Variants in HELQ observed in about 807,000 individuals in gnomAD.
The protein encoded by HELQ is helicase, POLQ like.
In HELQ, 77 loss-of-function variants were observed where a neutral mutation model predicts 111.6. That is an observed-to-expected ratio of 0.69 (90% CI 0.57 to 0.83). The LOEUF (loss-of-function observed/expected upper bound fraction) is 0.83, where lower values mean the gene tolerates loss of function less well. Among genes scored for constraint, HELQ ranks in the 40% least tolerant of loss-of-function variants. HELQ has a pLI of 0.00. For missense variants in HELQ, 1,200 were observed against 1,288.5 expected, an observed-to-expected ratio of 0.93 and a Z score of 1.05; for synonymous variants, 438 against 454.7, an observed-to-expected ratio of 0.96 and a Z score of 0.47.
intron 12 of HELQ, among the ~76,000 whole-genome samples, chr4:83,428,480 G>A (rs1266406877): frequency 6.6e-6 from 1 of 152,142 alleles, no homozygotes; most frequent in Non-Finnish European, 1.5e-5. Context: ...AGAATCATTT[G>A]AGCCCAGGAG....
intron 14 of HELQ, among the ~76,000 whole-genome samples, chr4:83,422,833 TATGTGATTATTATTATA>T (rs1285570730): frequency 6.6e-6 from 1 of 152,218 alleles, no homozygotes; most frequent in Admixed American, 6.5e-5. Flanking sequence ...ATTGTGTACG[TATGTGATTATTATTATA>T]AATTAGACAA....
In HELQ at chr4:83,429,597, G is replaced by A. The variant is rs779841368; in HGVS notation, c.2445C>T (p.Asp815=). ...YLTEKGLLQK[D]TIYKSEEEVQ... ...CCTCTTCTTCAGACTTATAAATAGT[G>A]TCTTTTTGTAGGAGTCCTTTTTCTG... The change falls in exon 12 of 18, where the codon GAC becomes GAT. Residue 815 remains aspartate (D), a synonymous_variant. Coordinates refer to ENST00000295488, the MANE Select transcript of HELQ (RefSeq NM_133636.5). The A allele has an allele frequency of 1.2e-6, 2 of 1,612,766 alleles. No homozygotes were observed. The highest frequency in any genetic ancestry group is 4.5e-5 in the East Asian group (2 of 44,810).
intron 5 of HELQ, among the ~76,000 whole-genome samples, chr4:83,444,870 C>G (rs1237210892): frequency 6.6e-6 from 1 of 152,126 alleles, no homozygotes; most frequent in Non-Finnish European, 1.5e-5. Context: ...GTAAAATAAA[C>G]TAATTGGATT....
Position 83,432,188 on chromosome 4 carries a change from G to A in HELQ, c.2128C>T (p.Arg710Cys). ...TCCCCAATAGTATCTATTCCAGCAC[G>A]ACCAGCTCTGCCAATCATCTGTTTA... ...QYKQMIGRAG[R>C]AGIDTIGESI... is the part of the protein sequence containing the mutation. Residue 710 changes from arginine (R) to cysteine (C), a missense_variant, in exon 10 of 18, where the codon CGT becomes TGT. Physicochemically the swap from Arg to Cys is radical, Grantham distance 180. Around this residue, in one of 3 missense-constraint regions of HELQ, gnomAD observed 585 missense variants for 665.3 expected, o/e 0.88. Coordinates refer to ENST00000295488, the MANE Select transcript of HELQ (RefSeq NM_133636.5). 2 of 1,601,144 alleles carry A rather than the reference G, an allele frequency of 1.2e-6. No homozygotes were observed. Among genetic ancestry groups the A allele is most frequent in the Non-Finnish European group, 1.7e-6 (2 of 1,173,262 alleles).
At chr4:83,422,123 G>A (rs1719543908) in intron 14 of HELQ, among the ~76,000 whole-genome samples, 2 of 152,058 alleles carry the variant, frequency 1.3e-5, no homozygotes, top group Admixed American at 1.3e-4. Context: ...CTACTTGGGA[G>A]GCTGAGGGAT....
At chr4:83,438,577 T>C (rs59635630) in intron 8 of HELQ, among the ~76,000 whole-genome samples, 1 of 151,548 alleles carries the variant, frequency 6.6e-6, no homozygotes, top group Non-Finnish European at 1.5e-5. Flanking sequence ...ACTATCTCCA[T>C]GAAAATTACA....
At chr4:83,449,868 CA>C (rs35086534) in intron 2 of HELQ, among the ~76,000 whole-genome samples, 190 of 137,136 alleles carry the variant, frequency 1.4e-3, no homozygotes, top group East Asian at 7.3e-3. Flanking sequence ...AAATAACTAT[CA>C]AAAAAAAAAA....
chr4:83,451,867 T>A (rs1326362503), intron 2 of HELQ, among the ~76,000 whole-genome samples: 3 of 152,210 alleles, frequency 2.0e-5, no homozygotes, highest in African/African-American at 7.2e-5. Context: ...CAATTTGGAT[T>A]CTTGTAGAGT....
chr4:83,453,573 TC>T lies in HELQ; in HGVS notation c.669del (p.Trp223Ter), dbSNP rs752236212. 1 of 1,613,320 alleles carries T rather than the reference TC, an allele frequency of 6.2e-7. No homozygotes were observed. Among genetic ancestry groups the T allele is most frequent in the African/African-American group, 1.3e-5 (1 of 75,022 alleles). ...TTCACAGTGTTGTGAGAGGATGACT[TC>T]CAATCCCTTTCTTTCATAGAATGAT... ...LGDHSMKERD[W>X]KSSSHNTVNE... On this transcript the variant is annotated frameshift_variant, in exon 2 of 18. Coordinates refer to ENST00000295488, the MANE Select transcript of HELQ (RefSeq NM_133636.5). LOFTEE classifies it high-confidence loss of function.
intron 6 of HELQ, among the ~76,000 whole-genome samples, chr4:83,442,470 GC>G (rs1720821022): frequency 1.3e-5 from 2 of 149,660 alleles, no homozygotes; most frequent in African/African-American, 2.5e-5. Context: ...GAGTGCAGTG[GC>G]GCAATCTCGG....
At chr4:83,409,523 C>T (rs921812437) in intron 17 of HELQ, among the ~76,000 whole-genome samples, 2 of 151,628 alleles carry the variant, frequency 1.3e-5, no homozygotes, top group Non-Finnish European at 2.9e-5. Flanking sequence ...CACTGCACTC[C>T]AGCCTGGGCA....
At chr4:83,427,846 C>T in intron 12 of HELQ, 126 bp from the exon 13 acceptor site, 2 of 571,096 alleles carry the variant, frequency 3.5e-6, no homozygotes, top group Non-Finnish European at 5.7e-6. Context: ...TAACATCTTA[C>T]TATATAACTA....
At chr4:83,438,126 G>A (rs1055716949) in intron 8 of HELQ, among the ~76,000 whole-genome samples, 1 of 152,098 alleles carries the variant, frequency 6.6e-6, no homozygotes, top group African/African-American at 2.4e-5. Flanking sequence ...ATAAATTTAA[G>A]TCTATCTTAG....
At chr4:83,441,430 A>T in intron 6 of HELQ, 27 bp from the exon 7 acceptor site, 3 of 1,007,472 alleles carry the variant, frequency 3.0e-6, no homozygotes, top group Non-Finnish European at 4.6e-6. Flanking sequence ...ATTTGCAATT[A>T]ATACGACATA....
chr4:83,451,201 A>G (rs1341981358), intron 2 of HELQ, among the ~76,000 whole-genome samples: 1 of 152,242 alleles, frequency 6.6e-6, no homozygotes, highest in East Asian at 1.9e-4. Context: ...AATCATTACC[A>G]ACATCTAATT....
chr4:83,446,906 C>A lies in HELQ; in HGVS notation c.1321G>T (p.Gly441Ter). 2 of 1,613,238 alleles carry A rather than the reference C, an allele frequency of 1.2e-6. No individual in the cohort carries two copies. Among genetic ancestry groups the A allele is most frequent in the Non-Finnish European group, 1.7e-6 (2 of 1,179,170 alleles). ...ATCAAGGAGTTCACCAAGCTATGTC[C>A]TTTTTCAATAGTGGCAATATAGAGT... Reference protein sequence around the residue: ...KSLYIATIEKGHSLVNSLIET... With the variant: ...KSLYIATIEK Residue 441 changes from glycine (G) to a stop codon, truncating the protein, a stop_gained, in exon 4 of 18, where the codon GGA becomes TGA. Transcript: ENST00000295488. LOFTEE classifies it high-confidence loss of function.
chr4:83,422,356 C>G (rs1414843923), intron 14 of HELQ, among the ~76,000 whole-genome samples: 1 of 152,170 alleles, frequency 6.6e-6, no homozygotes, highest in African/African-American at 2.4e-5. Context: ...AAATCCTAAC[C>G]CCTGGTACCT....
In HELQ at chr4:83,427,608, A is replaced by T. The variant is rs139048661; in HGVS notation, c.2631T>A (p.Asp877Glu). 171 of 1,603,980 alleles carry T rather than the reference A, an allele frequency of 1.1e-4. 1 individual carries two copies. The Middle Eastern group carries it at 3.6e-3, about 34-fold the overall frequency. The change falls in exon 13 of 18, where the codon GAT becomes GAA. Residue 877 changes from aspartate to glutamate, a missense_variant. Coordinates refer to ENST00000295488, the MANE Select transcript of HELQ (RefSeq NM_133636.5). The part of the protein sequence containing the change: ...LHLIYLTTPY[D>E]LVSQCNPDWM... ...AATCAGGGTTACACTGTGAAACCAG[A>T]TCATAGGGGGTTGTTAGGTAGATTA...
chr4:83,451,763 G>C (rs1721387092), intron 2 of HELQ, among the ~76,000 whole-genome samples: 1 of 152,186 alleles, frequency 6.6e-6, no homozygotes, highest in Non-Finnish European at 1.5e-5. Context: ...AAAGCAAGGT[G>C]CTAGCAGAAA....
Sources: allele counts gnomAD v4.1 joint callset (sites outside exome capture counted in the v4.1 genomes callset), GRCh38; gene constraint gnomAD v4.1.1; regional missense constraint gnomAD v4.1.1; transcripts MANE v1.5; gene names NCBI Gene and HGNC (gene_info 2026-07-23, HGNC 2026-07-21).